BRCA1: variants seen among roughly 807,000 people sequenced by gnomAD.
BRCA1 encodes the protein breast cancer type 1 susceptibility protein.
Under a neutral mutation model 173.7 loss-of-function variants are expected in BRCA1, and 140 were observed. The ratio of observed to expected loss-of-function variants is 0.81; its 90% CI spans 0.70 to 0.93. The LOEUF is 0.93. Among genes scored for constraint, BRCA1 ranks in the 40% least tolerant of loss-of-function variants. BRCA1 has a pLI of 0.00. For synonymous variants in BRCA1, 662 were observed against 756.0 expected (o/e 0.88, Z 2.04); for missense variants, 1,983 against 2,172.5 (o/e 0.91, Z 1.73).
At chr17:43,102,874 T>A (rs1017824110) in intron 6 of BRCA1, among the ~76,000 whole-genome samples, 1 of 152,028 alleles carries the variant, frequency 6.6e-6, no homozygotes, top group African/African-American at 2.4e-5. Flanking sequence ...AAACTGGTCT[T>A]GAACTCCTGA....
chr17:43,052,754 TCCCCC>T (rs2051293500), intron 19 of BRCA1, among the ~76,000 whole-genome samples: 3 of 134,862 alleles, frequency 2.2e-5, no homozygotes, highest in Non-Finnish European at 4.7e-5. Context: ...GTGGTCACCC[TCCCCC>T]TTGACAGACA....
chr17:43,139,783 C>T (rs896513919), intron 1 of BRCA1: 6 of 450,310 alleles, frequency 1.3e-5, no homozygotes, highest in Admixed American at 2.4e-5. Context: ...TAAGTGAGAA[C>T]GTGTGGTGTT....
rs1326892404 is a variant in BRCA1 at position 43,082,597 on chromosome 17, C to T, written c.4186-22G>A. 4 of 1,612,740 alleles carry T rather than the reference C, an allele frequency of 2.5e-6. No individual in the cohort carries two copies. The South Asian group carries it at 4.4e-5, about 18-fold the overall frequency. On this transcript the variant is annotated intron_variant, in intron 11 of 22. Coordinates refer to ENST00000357654, the MANE Select transcript of BRCA1 (RefSeq NM_007294.4). ...TCTGCTTCAAAAACGATAAATGGCACCAAGAAAATGAAATACTTTGAGAAG... is the reference window on the plus strand; with the variant it reads ...TCTGCTTCAAAAACGATAAATGGCATCAAGAAAATGAAATACTTTGAGAAG...
rs273901749 is a variant in BRCA1, at chr17:43,063,232, A to G, written c.5193+101T>C. 1.7e-4 allele frequency: 167 copies of G among 967,558 alleles called. 1 individual carries two copies. Among genetic ancestry groups the G allele is most frequent in the Non-Finnish European group, 1.9e-4 (116 of 608,114 alleles). 59.9% of individuals were successfully genotyped at this position (967,558 alleles called of 1,614,324 possible). Reference sequence around the variant, plus strand: ...CCTCATTATCATGGAAAATTTGTGCATTGTTAAGGAAAGTGGTGCATTGAT... The same window carrying G: ...CCTCATTATCATGGAAAATTTGTGCGTTGTTAAGGAAAGTGGTGCATTGAT... On this transcript the variant is annotated intron_variant, in intron 18 of 22. Transcript: ENST00000357654.
chr17:43,163,671 G>T lies in BRCA1; in HGVS notation c.-20+6455C>A, dbSNP rs568606700. 4 of 152,316 alleles carry T rather than the reference G, an allele frequency of 2.6e-5. No individual in the cohort carries two copies. The South Asian group carries it at 8.3e-4, about 32-fold the overall frequency. 9.4% of individuals were successfully genotyped at this position (152,316 alleles called of 1,614,324 possible). On this transcript the variant is annotated intron_variant, in intron 1 of 7. Transcript: ENST00000634433. ...GGACTAAAGTACAAGTGCCACTCCA[G>T]TTATTTGGCAGAGTGCCCAGTAAAG...
intron 2 of BRCA1, among the ~76,000 whole-genome samples, chr17:43,122,233 G>A (rs908714776): frequency 2.0e-5 from 3 of 152,026 alleles, no homozygotes; most frequent in African/African-American, 7.2e-5. Flanking sequence ...CTTTTTTATT[G>A]TGGGTAAGAG....
At position 43,063,958 on chromosome 17, in the gene BRCA1, A is replaced by C. The variant is rs762729313; in HGVS notation, c.5075-7T>G. 1 of 1,613,574 alleles carries C rather than the reference A, an allele frequency of 6.2e-7. No homozygotes were observed. The highest frequency in any genetic ancestry group is 8.5e-7 in the Non-Finnish European group (1 of 1,179,504). Reference sequence around the variant, plus strand: ...TCACACACAAACTCAGCATCTGCAGAATGAAAAACACTCAAAGGATTAGAA... The same window carrying C: ...TCACACACAAACTCAGCATCTGCAGCATGAAAAACACTCAAAGGATTAGAA... On this transcript the variant is annotated splice_polypyrimidine_tract_variant and splice_region_variant and intron_variant, in intron 16 of 22. Coordinates refer to ENST00000357654, the MANE Select transcript of BRCA1 (RefSeq NM_007294.4).
chr17:43,085,761 T>C (rs1249363849), intron 11 of BRCA1, among the ~76,000 whole-genome samples: 1 of 152,098 alleles, frequency 6.6e-6, no homozygotes, highest in East Asian at 1.9e-4. Flanking sequence ...ACTCCTGAAA[T>C]GTGCAGCAGA....
chr17:43,110,365 C>T (rs890508173), intron 3 of BRCA1: 4 of 219,856 alleles, frequency 1.8e-5, no homozygotes, highest in South Asian at 1.2e-4. Flanking sequence ...GGTGGGCAGA[C>T]GGGTTAAGCC....
chr17:43,109,847 T>C (rs1214127843), intron 3 of BRCA1, among the ~76,000 whole-genome samples: 1 of 151,742 alleles, frequency 6.6e-6, no homozygotes, highest in Non-Finnish European at 1.5e-5. Context: ...ATTATATAAA[T>C]AATTCAGTGG....
At chr17:43,115,643 T>A in intron 3 of BRCA1, 83 bp downstream of exon 3, 3 of 1,325,246 alleles carry the variant, frequency 2.3e-6, no homozygotes, top group Non-Finnish European at 3.2e-6. Flanking sequence ...AAAGTAAAGC[T>A]TCTATAAAGT....
intron 18 of BRCA1, among the ~76,000 whole-genome samples, chr17:43,061,408 C>A (rs927969464): frequency 6.6e-6 from 1 of 152,004 alleles, no homozygotes; most frequent in Non-Finnish European, 1.5e-5. Context: ...TATCTCCCCT[C>A]GACAGAACCT....
intron 2 of BRCA1, among the ~76,000 whole-genome samples, chr17:43,121,499 A>G (rs2055571399): frequency 2.0e-5 from 3 of 152,150 alleles, no homozygotes; most frequent in Admixed American, 2.0e-4. Flanking sequence ...AACCTGACCA[A>G]TATGGAGAAA....
chr17:43,142,290 T>C (rs2056081041), intron 1 of BRCA1, among the ~76,000 whole-genome samples: 1 of 152,178 alleles, frequency 6.6e-6, no homozygotes, highest in Admixed American at 6.5e-5. Context: ...GGGGAGTTTC[T>C]GTCCTGGTGA....
chr17:43,067,599 T>C lies in BRCA1; in HGVS notation c.5074+9A>G, dbSNP rs2052153659. 1.3e-6 allele frequency: 2 copies of C among 1,594,242 alleles called. No homozygotes were observed. Among genetic ancestry groups the C allele is most frequent in the Non-Finnish European group, 1.7e-6 (2 of 1,161,966 alleles). On this transcript the variant is annotated intron_variant, in intron 16 of 22. Transcript: ENST00000357654. ...GATGCAAGGTATTCTGTAAAGGTTC[T>C]TGGTATACCTGTTTTCATAACAACA...
intron 18 of BRCA1, among the ~76,000 whole-genome samples, chr17:43,061,962 C>T (rs1378427317): frequency 6.6e-6 from 1 of 152,122 alleles, no homozygotes; most frequent in Non-Finnish European, 1.5e-5. Flanking sequence ...GAAATTATTC[C>T]TCCTCCTACA....
intron 1 of BRCA1, among the ~76,000 whole-genome samples, chr17:43,134,444 GC>G (rs1411952406): frequency 6.6e-6 from 1 of 152,090 alleles, no homozygotes; most frequent in African/African-American, 2.4e-5. Flanking sequence ...GCACACAGCA[GC>G]TGCAAAAAAA....
intron 11 of BRCA1, among the ~76,000 whole-genome samples, chr17:43,085,271 G>C (rs1015172150): frequency 6.6e-6 from 1 of 151,928 alleles, no homozygotes; most frequent in Non-Finnish European, 1.5e-5. Flanking sequence ...TGAGGCAGAA[G>C]AATCACTTGA....
intron 12 of BRCA1, chr17:43,079,304 GACGA>G (rs1377502495): frequency 1.0e-5 from 16 of 1,552,190 alleles, no homozygotes; most frequent in Admixed American, 3.3e-5. Context: ...TTGCCAAAAT[GACGA>G]ACACAAAGGG....
Sources: gnomAD v4.1 joint callset for allele counts (sites outside exome capture counted in the v4.1 genomes callset) on GRCh38, gnomAD v4.1.1 for gene constraint, MANE v1.5 for transcripts, NCBI Gene and HGNC (gene_info 2026-07-23, HGNC 2026-07-21) for gene names.